RB1: variants seen among roughly 807,000 people sequenced by gnomAD.
The protein encoded by RB1 is retinoblastoma-associated protein.
Under a neutral mutation model 135.4 loss-of-function variants are expected in RB1, and 18 were observed. That is an observed-to-expected ratio of 0.13 (90% CI 0.09 to 0.20). The LOEUF (loss-of-function observed/expected upper bound fraction) is 0.20, where lower values mean the gene tolerates loss of function less well. Among genes scored for constraint, RB1 ranks in the 10% least tolerant of loss-of-function variants. RB1 has a pLI of 1.00. For missense variants in RB1, 868 were observed against 1,110.0 expected, an observed-to-expected ratio of 0.78 and a Z score of 3.10; for synonymous variants, 365 against 373.2, an observed-to-expected ratio of 0.98 and a Z score of 0.25.
At position 48,319,445 on chromosome 13, in the gene RB1, C is replaced by T. The variant is rs941946169; in HGVS notation, c.264+12039C>T. 3 of 351,074 alleles carry T rather than the reference C, an allele frequency of 8.5e-6. No individual in the cohort carries two copies. The highest frequency in any genetic ancestry group is 1.6e-5 in the Non-Finnish European group (3 of 186,186). The allele number at this position is 351,074 out of a possible 1,614,324, so 21.7% of individuals were successfully genotyped here. On this transcript the variant is annotated intron_variant, in intron 2 of 26. Transcript: ENST00000267163. This position sits in a 1 kb window ranked among gnomAD's most constrained non-coding sequence, Gnocchi z 5.0. The stretch of plus-strand genomic sequence containing the variant: ...GCGCCTGCGCCGCACTTGTGACTTG[C>T]TTTCCCCTTCTCAGGGCGCCAGCGC...
chr13:48,328,693 CAA>C, intron 2 of RB1: 1 of 463,662 alleles, frequency 2.2e-6, no homozygotes, highest in Non-Finnish European at 3.9e-6. Context: ...TCCCAGCAGT[CAA>C]GAGTCAAGCC....
chr13:48,424,095 T>C (rs1199067308), intron 17 of RB1: 2 of 152,690 alleles, frequency 1.3e-5, no homozygotes, highest in African/African-American at 4.8e-5. Context: ...TGGGATTCTT[T>C]TGATGCTCAT....
chr13:48,351,567 G>C (rs1185808558), intron 6 of RB1, among the ~76,000 whole-genome samples: 1 of 151,962 alleles, frequency 6.6e-6, no homozygotes, highest in African/African-American at 2.4e-5. Flanking sequence ...TTCTTTTGCT[G>C]TGCAGAAGCT....
intron 17 of RB1, among the ~76,000 whole-genome samples, chr13:48,395,738 G>A (rs1593465342): frequency 6.6e-6 from 1 of 152,156 alleles, no homozygotes; most frequent in South Asian, 2.1e-4. Context: ...TATGTGAAAA[G>A]ACCAAACCTA....
intron 2 of RB1, among the ~76,000 whole-genome samples, chr13:48,335,807 A>T (rs531374814): frequency 3.0e-4 from 45 of 152,180 alleles, no homozygotes; most frequent in Middle Eastern, 3.4e-3. Context: ...TTGTTGTTGG[A>T]AAAGGAGACC....
intron 17 of RB1, among the ~76,000 whole-genome samples, chr13:48,419,939 A>G (rs2049390874): frequency 6.6e-6 from 1 of 152,374 alleles, no homozygotes; most frequent in Non-Finnish European, 1.5e-5. Context: ...ATGGATTCAC[A>G]GCTGAATTCT....
chr13:48,430,896 C>A (rs1949123469), intron 17 of RB1, among the ~76,000 whole-genome samples: 3 of 152,222 alleles, frequency 2.0e-5, no homozygotes, highest in Admixed American at 6.5e-5. Context: ...GTACTTCAGC[C>A]TGGGTGACAG....
rs1281590616 is a variant in RB1, at chr13:48,480,349, C to T, written c.*278C>T. 13 of 492,768 alleles carry T rather than the reference C, an allele frequency of 2.6e-5. No individual in the cohort carries two copies. The highest frequency in any genetic ancestry group is 4.8e-5 in the Non-Finnish European group (13 of 270,492). The allele number at this position is 492,768 out of a possible 1,614,324, so 30.5% of individuals were successfully genotyped here. A position where few individuals can be genotyped will look rare whatever the true frequency, so the allele number is the denominator to read the frequency against. On this transcript the variant is annotated 3_prime_UTR_variant, in exon 27 of 27. Coordinates refer to ENST00000267163, the MANE Select transcript of RB1 (RefSeq NM_000321.3). ...CCTCTTCCAAAGTAAAATTGCTGTGCTTTATGGATAGTAAGAATGGCCCTA... is the reference window on the plus strand; with the variant it reads ...CCTCTTCCAAAGTAAAATTGCTGTGTTTTATGGATAGTAAGAATGGCCCTA...
intron 2 of RB1, chr13:48,320,455 G>T: frequency 1.1e-6 from 1 of 889,698 alleles, no homozygotes; most frequent in Non-Finnish European, 1.8e-6. Context: ...AACCCCTGGA[G>T]TAGCGTTCCT....
Position 48,369,337 on chromosome 13 carries a change from G to C in RB1, c.1127+733G>C, listed in dbSNP as rs763324409. Among the ~76,000 whole-genome samples the C allele has an allele frequency of 1.4e-3, 206 of 152,210 alleles. 1 individual carries two copies. Among genetic ancestry groups the C allele is most frequent in the Admixed American group, 3.7e-3 (57 of 15,292 alleles). ...TTCTGCTCTCACAACTCTTGTCCAA[G>C]ACATTGTTCTCTTTCTCTTGGATTT... On this transcript the variant is annotated intron_variant, in intron 11 of 26. Coordinates refer to ENST00000267163, the MANE Select transcript of RB1 (RefSeq NM_000321.3).
chr13:48,324,019 G>A (rs944996942), intron 2 of RB1, among the ~76,000 whole-genome samples: 3 of 151,522 alleles, frequency 2.0e-5, no homozygotes, highest in Admixed American at 2.0e-4. Flanking sequence ...ATAAAGAGCG[G>A]ATCTCTGTTG....
chr13:48,452,898 C>T (rs1305565024), intron 17 of RB1, 95 bp from the exon 18 acceptor site: 1 of 1,547,456 alleles, frequency 6.5e-7, no homozygotes, highest in Admixed American at 1.8e-5. Flanking sequence ...GCCTAAAATT[C>T]ATAGTACTTA....
At chr13:48,322,783 AGTTCTT>A (rs1952252323) in intron 2 of RB1, among the ~76,000 whole-genome samples, 1 of 152,112 alleles carries the variant, frequency 6.6e-6, no homozygotes, top group South Asian at 2.1e-4. Flanking sequence ...ATAATAATGT[AGTTCTT>A]GTTCTTTATT....
chr13:48,313,984 C>T (rs948902389), intron 2 of RB1, among the ~76,000 whole-genome samples: 7 of 152,088 alleles, frequency 4.6e-5, no homozygotes, highest in African/African-American at 4.8e-5. Context: ...CTCCTGACCT[C>T]GTGATCGCCC....
intron 20 of RB1, among the ~76,000 whole-genome samples, chr13:48,461,185 G>A (rs1949402880): frequency 6.6e-6 from 1 of 151,620 alleles, no homozygotes; most frequent in African/African-American, 2.4e-5. Flanking sequence ...TACCCCCTCA[G>A]CCCAAGGCAA....
At chr13:48,472,275 C>T (rs769292379) in intron 23 of RB1, among the ~76,000 whole-genome samples, 9 of 151,984 alleles carry the variant, frequency 5.9e-5, no homozygotes, top group East Asian at 1.9e-4. Flanking sequence ...TTAAGTAGTA[C>T]GTACTCATTA....
chr13:48,467,235 G>C (rs1027802568), intron 23 of RB1, among the ~76,000 whole-genome samples: 8 of 127,996 alleles, frequency 6.3e-5, no homozygotes, highest in Non-Finnish European at 1.2e-4. Flanking sequence ...CAAGCCAGAA[G>C]AGAGTGGGGG....
rs180908542 is a variant in RB1 at position 48,438,809 on chromosome 13, G to T, written c.1696-14184G>T. On this transcript the variant is annotated intron_variant, in intron 17 of 26. Coordinates refer to ENST00000267163, the MANE Select transcript of RB1 (RefSeq NM_000321.3). ...GTCTGGCATTCAATAAATGTTATCT[G>T]TTAAGCTCTTTGAGGGTAGAATTAT... Among the ~76,000 whole-genome samples, 15 of 152,260 alleles carry T rather than the reference G, an allele frequency of 9.9e-5. No individual in the cohort carries two copies. In the East Asian group the frequency reaches 2.9e-3, roughly 29 times the overall value.
chr13:48,442,430 T>C (rs942244164), intron 17 of RB1, among the ~76,000 whole-genome samples: 2 of 152,222 alleles, frequency 1.3e-5, no homozygotes, highest in African/African-American at 4.8e-5. Context: ...ATAGTATGAG[T>C]TTTTATTCAT....
Sources: gnomAD v4.1 joint callset for allele counts (sites outside exome capture counted in the v4.1 genomes callset) on GRCh38, gnomAD v4.1.1 for gene constraint, Gnocchi (gnomAD v3.1) non-coding constraint, MANE v1.5 for transcripts, NCBI Gene and HGNC (gene_info 2026-07-23, HGNC 2026-07-21) for gene names.